The following PATJ variants were observed in gnomAD, a reference collection of about 807,000 sequenced individuals.
The protein encoded by PATJ is PATJ crumbs cell polarity complex component.
In PATJ, 190 loss-of-function variants were observed where a neutral mutation model predicts 224.9. The observed-to-expected ratio is 0.84, with a 90% CI of 0.75 to 0.95. The LOEUF is 0.95. Ranked by LOEUF, PATJ falls within the 40% of genes least tolerant of loss-of-function variation. The pLI is 0.00. For synonymous variants in PATJ, 769 were observed against 820.3 expected (o/e 0.94, Z 1.07); for missense variants, 2,121 against 2,270.3 (o/e 0.93, Z 1.34).
chr1:62,079,198 T>A (rs1250794494), intron 31 of PATJ, among the ~76,000 whole-genome samples: 1 of 152,102 alleles, frequency 6.6e-6, no homozygotes, highest in Non-Finnish European at 1.5e-5. Flanking sequence ...ACTGACAGAG[T>A]ATCTTCAGCT....
chr1:61,808,358 G>A (rs576235477), intron 13 of PATJ, 116 bp from the exon 14 acceptor site: 31 of 671,966 alleles, frequency 4.6e-5, no homozygotes, highest in Middle Eastern at 2.9e-4. Flanking sequence ...GAAAGGTATC[G>A]GAATGTAGGT....
chr1:61,952,084 T>A, intron 27 of PATJ: 2 of 379,154 alleles, frequency 5.3e-6, no homozygotes, highest in East Asian at 4.0e-5. Flanking sequence ...CATCCAAGGG[T>A]CTGATGTGGG....
In PATJ at chr1:61,959,611, A is replaced by T. The variant is rs550483864; in HGVS notation, c.3671-30557A>T. Among the ~76,000 whole-genome samples the T allele has an allele frequency of 3.6e-4, 54 of 150,780 alleles. No homozygotes were observed. In the East Asian group the frequency reaches 8.9e-3, roughly 25 times the overall value. ...ATGCCACCATGCCTGGCTAATTTTT[A>T]AAAAATTCTTTGTAGAGATGGGGTC... On this transcript the variant is annotated intron_variant, in intron 27 of 43. Coordinates refer to ENST00000642238, the MANE Select transcript of PATJ (RefSeq NM_001350145.3).
chr1:61,894,886 T>C (rs1670143175), intron 22 of PATJ, among the ~76,000 whole-genome samples: 1 of 152,238 alleles, frequency 6.6e-6, no homozygotes, highest in South Asian at 2.1e-4. Flanking sequence ...TGAATACTTT[T>C]GACCAAATGC....
intron 37 of PATJ, among the ~76,000 whole-genome samples, chr1:62,119,667 C>A (rs1375512141): frequency 6.6e-6 from 1 of 152,120 alleles, no homozygotes; most frequent in African/African-American, 2.4e-5. Flanking sequence ...TGGGGCCGGG[C>A]GTGGTGGCTC....
intron 20 of PATJ, among the ~76,000 whole-genome samples, chr1:61,868,966 C>G (rs1034653398): frequency 7.9e-4 from 120 of 151,868 alleles, no homozygotes; most frequent in African/African-American, 2.8e-3. Flanking sequence ...AGCAAGCTCA[C>G]TAAGTGATTA....
intron 31 of PATJ, among the ~76,000 whole-genome samples, chr1:62,064,225 C>T (rs1022164703): frequency 2.0e-5 from 3 of 151,778 alleles, no homozygotes; most frequent in Non-Finnish European, 2.9e-5. Context: ...TGGATTTTAT[C>T]GAAAGCTTTT....
At chr1:61,926,977 T>C (rs1378557613) in intron 26 of PATJ, among the ~76,000 whole-genome samples, 1 of 152,222 alleles carries the variant, frequency 6.6e-6, no homozygotes, top group East Asian at 1.9e-4. Flanking sequence ...TTTTAGCAGC[T>C]TGAGTCTCAC....
chr1:61,905,915 T>A (rs1671793265), intron 24 of PATJ, among the ~76,000 whole-genome samples: 1 of 152,192 alleles, frequency 6.6e-6, no homozygotes, highest in South Asian at 2.1e-4. Flanking sequence ...GGACACCAAC[T>A]GTCTTATAAT....
chr1:61,839,799 A>C (rs1226636335), intron 17 of PATJ, among the ~76,000 whole-genome samples: 2 of 151,914 alleles, frequency 1.3e-5, no homozygotes, highest in Non-Finnish European at 2.9e-5. Flanking sequence ...CCTATTCCTC[A>C]TTCCTCTCCC....
Position 62,116,572 on chromosome 1 carries a change from G to A in PATJ, c.4696G>A (p.Gly1566Arg), listed in dbSNP as rs370745996. ...GVFISDIVKG[G>R]AADLDGRLIQ... ...GTTTATTTCTGACATCGTGAAAGGC[G>A]GAGCCGCAGACCTGGATGGGAGATT... The change falls in exon 36 of 44, where the codon GGA (glycine) becomes AGA (arginine). Residue 1566 changes from glycine to arginine, a missense_variant. Coordinates refer to ENST00000642238, the MANE Select transcript of PATJ (RefSeq NM_001350145.3). The A allele has an allele frequency of 2.7e-5, 44 of 1,613,940 alleles. No homozygotes were observed. Among genetic ancestry groups the A allele is most frequent in the Middle Eastern group, 1.6e-4 (1 of 6,076 alleles).
chr1:61,825,410 A>G (rs1303180962), intron 15 of PATJ, among the ~76,000 whole-genome samples: 1 of 152,212 alleles, frequency 6.6e-6, no homozygotes, highest in Non-Finnish European at 1.5e-5. Context: ...TGTGAATTCT[A>G]AAATAAAAAT....
At chr1:61,876,296 C>T (rs780602592) in intron 21 of PATJ, among the ~76,000 whole-genome samples, 33 of 152,146 alleles carry the variant, frequency 2.2e-4, no homozygotes, top group Non-Finnish European at 1.5e-4. Flanking sequence ...TTTTAAATAT[C>T]TAAGATTAGA....
At chr1:61,907,900 A>G (rs1052731332) in intron 24 of PATJ, among the ~76,000 whole-genome samples, 1 of 152,200 alleles carries the variant, frequency 6.6e-6, no homozygotes. Context: ...GCTTTTTGGT[A>G]CTTCTTTTTA....
chr1:62,040,944 T>TAAA (rs1651375660), intron 30 of PATJ, among the ~76,000 whole-genome samples: 1 of 152,230 alleles, frequency 6.6e-6, no homozygotes, highest in Admixed American at 6.5e-5. Context: ...TAATGACATA[T>TAAA]GTGTTTCTTA....
At chr1:61,746,234 G>A (rs769590482) in intron 1 of PATJ, among the ~76,000 whole-genome samples, 20 of 152,118 alleles carry the variant, frequency 1.3e-4, no homozygotes, top group Non-Finnish European at 2.6e-4. Context: ...GAGCCATCAC[G>A]CCTGGCCTCT....
At chr1:61,958,479 A>C (rs1198859483) in intron 27 of PATJ, among the ~76,000 whole-genome samples, 1 of 152,194 alleles carries the variant, frequency 6.6e-6, no homozygotes, top group African/African-American at 2.4e-5. Context: ...TATTTGCAAA[A>C]TATCTATACA....
chr1:62,053,670 G>T (rs1298111777), intron 31 of PATJ, among the ~76,000 whole-genome samples: 1 of 152,070 alleles, frequency 6.6e-6, no homozygotes, highest in African/African-American at 2.4e-5. Context: ...AGTGAGCCGA[G>T]ATCGCGCCAT....
At chr1:61,859,835 G>T (rs866129346) in intron 18 of PATJ, among the ~76,000 whole-genome samples, 1 of 152,094 alleles carries the variant, frequency 6.6e-6, no homozygotes, top group Non-Finnish European at 1.5e-5. Context: ...GGGCAGGTTG[G>T]TCTCAATCTC....
Sources: allele counts gnomAD v4.1 joint callset (sites outside exome capture counted in the v4.1 genomes callset), GRCh38; gene constraint gnomAD v4.1.1; transcripts MANE v1.5; gene names NCBI Gene and HGNC (gene_info 2026-07-23, HGNC 2026-07-21).